The following ERI3 variants were observed in gnomAD, a reference collection of about 807,000 sequenced individuals.
ERI3 encodes the protein ERI1 exoribonuclease family member 3.
ERI3 carries 18 observed loss-of-function variants against 44.4 expected under a neutral mutation model. The ratio of observed to expected loss-of-function variants is 0.41; its 90% CI spans 0.28 to 0.60. ERI3 has a LOEUF of 0.60. ERI3 is among the 20% of genes least tolerant of loss of function. The pLI is 0.36. For synonymous variants in ERI3, 183 were observed against 164.8 expected (o/e 1.11, Z -0.84); for missense variants, 294 against 435.5 (o/e 0.68, Z 2.89).
chr1:44,245,440 CAT>C (rs1485020291), intron 8 of ERI3, among the ~76,000 whole-genome samples: 1 of 152,202 alleles, frequency 6.6e-6, no homozygotes, highest in Admixed American at 6.5e-5. Context: ...CCTTCAGCCC[CAT>C]GGTGTGCTCA....
intron 7 of ERI3, among the ~76,000 whole-genome samples, chr1:44,261,256 C>T (rs991684169): frequency 5.3e-5 from 8 of 152,258 alleles, no homozygotes; most frequent in African/African-American, 1.9e-4. Context: ...GATCTGAGAG[C>T]GTGGCACGCC....
intron 7 of ERI3, among the ~76,000 whole-genome samples, chr1:44,266,844 C>T (rs915900608): frequency 6.6e-6 from 1 of 152,234 alleles, no homozygotes; most frequent in Non-Finnish European, 1.5e-5. Flanking sequence ...CAGTGCCTTA[C>T]GCAGGTTCTG....
chr1:44,337,928 A>T (rs1376556657), intron 3 of ERI3, among the ~76,000 whole-genome samples: 1 of 152,158 alleles, frequency 6.6e-6, no homozygotes, highest in Non-Finnish European at 1.5e-5. Flanking sequence ...TCTATAACCT[A>T]ACCCTATAGA....
At chr1:44,334,741 A>G (rs938727774) in intron 3 of ERI3, among the ~76,000 whole-genome samples, 1 of 152,228 alleles carries the variant, frequency 6.6e-6, no homozygotes, top group African/African-American at 2.4e-5. Flanking sequence ...AAGTACAAAA[A>G]TAAACAGCAA....
At chr1:44,288,923 A>G (rs1645448833) in intron 6 of ERI3, among the ~76,000 whole-genome samples, 1 of 151,922 alleles carries the variant, frequency 6.6e-6, no homozygotes, top group South Asian at 2.1e-4. Context: ...CCAAGAAAAG[A>G]GCCACTGGCA....
Position 44,313,160 on chromosome 1 carries a change from T to A in ERI3, c.666+9A>T. ...TCAGAGGTCAGGAATTAAAGGTCAC[T>A]CAACCTACCTCCAGCACTTGCTGCA... On this transcript the variant is annotated intron_variant, in intron 5 of 8. Transcript: ENST00000372257. 6.2e-7 allele frequency: 1 copy of A among 1,613,968 alleles called. No homozygotes were observed. The highest frequency in any genetic ancestry group is 8.5e-7 in the Non-Finnish European group (1 of 1,179,854).
chr1:44,340,955 TG>T (rs2154331433), intron 2 of ERI3, among the ~76,000 whole-genome samples: 1 of 152,340 alleles, frequency 6.6e-6, no homozygotes, highest in Non-Finnish European at 1.5e-5. Flanking sequence ...CTTAATGAGA[TG>T]GAAGACACCA....
At chr1:44,284,457 G>T (rs958373425) in intron 7 of ERI3, among the ~76,000 whole-genome samples, 2 of 152,172 alleles carry the variant, frequency 1.3e-5, no homozygotes, top group Non-Finnish European at 2.9e-5. Flanking sequence ...CATTGATGAT[G>T]ATAACAAAGG....
In ERI3 at chr1:44,308,415, A is replaced by C. The variant is rs775977494; in HGVS notation, c.667-14T>G. The stretch of plus-strand genomic sequence containing the variant: ...TTCATCGACCCTCTGAAAAGTACAC[A>C]AGAACAAATGAGATTTTCCTTTTTT... On this transcript the variant is annotated splice_polypyrimidine_tract_variant and intron_variant, in intron 5 of 8. Coordinates refer to ENST00000372257, the MANE Select transcript of ERI3 (RefSeq NM_024066.3). 2.5e-6 allele frequency: 4 copies of C among 1,610,494 alleles called. No homozygotes were observed. The highest frequency in any genetic ancestry group is 2.5e-6 in the Non-Finnish European group (3 of 1,176,764).
intron 8 of ERI3, among the ~76,000 whole-genome samples, chr1:44,229,869 G>T (rs752672767): frequency 1.3e-5 from 2 of 152,128 alleles, no homozygotes; most frequent in Non-Finnish European, 2.9e-5. Context: ...TGGGAAGGAG[G>T]AGACTGAGGC....
chr1:44,264,617 C>A (rs76153807), intron 7 of ERI3, among the ~76,000 whole-genome samples: 2 of 152,164 alleles, frequency 1.3e-5, no homozygotes, highest in African/African-American at 2.4e-5. Context: ...CATATCCCAG[C>A]GCTGCTGCCA....
At chr1:44,354,220 C>T in intron 1 of ERI3, 1 of 985,406 alleles carries the variant, frequency 1.0e-6, no homozygotes, top group Non-Finnish European at 1.2e-6. Context: ...CGCTGGGAGA[C>T]TGATTAAATG....
At chr1:44,331,867 T>C (rs75780310) in intron 3 of ERI3, among the ~76,000 whole-genome samples, 1 of 152,158 alleles carries the variant, frequency 6.6e-6, no homozygotes. Flanking sequence ...ATGAAAACTA[T>C]GCAGCCCTCC....
intron 2 of ERI3, among the ~76,000 whole-genome samples, chr1:44,340,507 A>G (rs1196156588): frequency 1.3e-5 from 2 of 152,206 alleles, no homozygotes; most frequent in Non-Finnish European, 2.9e-5. Flanking sequence ...GTAGAGGGAT[A>G]GCACCCTGTG....
intron 6 of ERI3, among the ~76,000 whole-genome samples, chr1:44,305,203 T>C (rs967037172): frequency 4.6e-5 from 7 of 152,220 alleles, no homozygotes; most frequent in Admixed American, 1.3e-4. Flanking sequence ...AGCCGTGCTG[T>C]GCTACATGGC....
At chr1:44,307,594 G>A (rs1416141601) in intron 6 of ERI3, among the ~76,000 whole-genome samples, 2 of 152,214 alleles carry the variant, frequency 1.3e-5, no homozygotes, top group Non-Finnish European at 2.9e-5. Context: ...CAGACAAGAT[G>A]CACAAGTGTC....
chr1:44,337,624 G>C (rs1646561765), intron 3 of ERI3, among the ~76,000 whole-genome samples: 3 of 152,188 alleles, frequency 2.0e-5, no homozygotes, highest in Admixed American at 2.0e-4. Flanking sequence ...CCAGCCCTCA[G>C]TAGGCCTCAT....
intron 8 of ERI3, chr1:44,243,305 C>T (rs1572094943): frequency 6.6e-6 from 1 of 152,474 alleles, no homozygotes; most frequent in South Asian, 2.1e-4. Context: ...ACCACCCAGC[C>T]GGGCATCAGG....
intron 2 of ERI3, among the ~76,000 whole-genome samples, chr1:44,340,049 A>G (rs1646619808): frequency 6.6e-6 from 1 of 151,844 alleles, no homozygotes; most frequent in Non-Finnish European, 1.5e-5. Flanking sequence ...GCCCTGAATG[A>G]CTGCGGGACT....
Sources: gnomAD v4.1 joint callset for allele counts (sites outside exome capture counted in the v4.1 genomes callset) on GRCh38, gnomAD v4.1.1 for gene constraint, MANE v1.5 for transcripts, NCBI Gene and HGNC (gene_info 2026-07-23, HGNC 2026-07-21) for gene names.